The following CHRM3 variants were observed in gnomAD, a reference collection of about 807,000 sequenced individuals.
CHRM3 encodes muscarinic acetylcholine receptor M3.
A neutral mutation model predicts 41.8 loss-of-function variants in CHRM3; 11 were observed. The ratio of observed to expected loss-of-function variants is 0.26; its 90% CI spans 0.17 to 0.44. CHRM3 has a LOEUF of 0.44. CHRM3 is among the 20% of genes least tolerant of loss of function. The pLI is 1.00. For synonymous variants in CHRM3, 297 were observed against 301.4 expected, an observed-to-expected ratio of 0.99 and a Z score of 0.15; for missense variants, 571 against 745.4, an observed-to-expected ratio of 0.77 and a Z score of 2.72.
intron 5 of CHRM3, among the ~76,000 whole-genome samples, chr1:239,741,007 A>G (rs934300645): frequency 1.9e-4 from 29 of 152,160 alleles, no homozygotes; most frequent in African/African-American, 6.5e-4. Context: ...GTATTCATAT[A>G]CTAGTCTTCC....
Position 239,907,929 on chromosome 1 carries a change from C to A in CHRM3, c.478C>A (p.Leu160Met), listed in dbSNP as rs1346093157. Reference sequence around the variant, plus strand: ...CAGCAATGCCTCTGTTATGAATCTTCTGGTCATCAGCTTTGACAGATACTT... The same window carrying A: ...CAGCAATGCCTCTGTTATGAATCTTATGGTCATCAGCTTTGACAGATACTT... Reference protein sequence around the residue: ...VASNASVMNLLVISFDRYFSI... With the variant: ...VASNASVMNLMVISFDRYFSI... The change falls in exon 7 of 7, where the codon CTG becomes ATG. Residue 160 changes from leucine to methionine, a missense_variant. Around this residue, in one of 5 missense-constraint regions of CHRM3, gnomAD observed 153 missense variants for 296.3 expected, o/e 0.52. Coordinates refer to ENST00000676153, the MANE Select transcript of CHRM3 (RefSeq NM_001375978.1). This position sits in a 1 kb window ranked among gnomAD's most constrained non-coding sequence, Gnocchi z 5.4. 6.2e-7 allele frequency: 1 copy of A among 1,614,162 alleles called. No homozygotes were observed. The highest frequency in any genetic ancestry group is 8.5e-7 in the Non-Finnish European group (1 of 1,180,034).
At chr1:239,723,288 T>A (rs888607457) in intron 5 of CHRM3, among the ~76,000 whole-genome samples, 1 of 151,968 alleles carries the variant, frequency 6.6e-6, no homozygotes, top group African/African-American at 2.4e-5. Flanking sequence ...ATTCTAAGGA[T>A]AAAATAAGGA....
At chr1:239,683,596 C>T (rs6677527) in intron 5 of CHRM3, among the ~76,000 whole-genome samples, 4 of 152,100 alleles carry the variant, frequency 2.6e-5, no homozygotes, top group Non-Finnish European at 5.9e-5. Flanking sequence ...GATTCCTAAT[C>T]GAGGCCTCTT....
chr1:239,658,607 A>G (rs1402048539), intron 4 of CHRM3, among the ~76,000 whole-genome samples: 1 of 152,248 alleles, frequency 6.6e-6, no homozygotes, highest in East Asian at 1.9e-4. Context: ...GACCCAATCA[A>G]TAATAACTGA....
intron 4 of CHRM3, among the ~76,000 whole-genome samples, chr1:239,662,619 C>G (rs927302518): frequency 4.6e-5 from 7 of 152,206 alleles, no homozygotes; most frequent in African/African-American, 1.7e-4. Flanking sequence ...GTCCCCCAGC[C>G]TTACTCAGGA....
intron 3 of CHRM3, among the ~76,000 whole-genome samples, chr1:239,603,299 T>C (rs1665837218): frequency 6.6e-6 from 1 of 152,156 alleles, no homozygotes; most frequent in African/African-American, 2.4e-5. Context: ...CATAGACAAG[T>C]TAGCTTTTTG....
chr1:239,548,794 A>G (rs775038249), intron 3 of CHRM3, among the ~76,000 whole-genome samples: 8 of 152,220 alleles, frequency 5.3e-5, no homozygotes, highest in Non-Finnish European at 8.8e-5. Flanking sequence ...TAGCCCTTCA[A>G]TGCAGCCAAG....
At chr1:239,606,600 A>G (rs1666323015) in intron 3 of CHRM3, among the ~76,000 whole-genome samples, 1 of 152,108 alleles carries the variant, frequency 6.6e-6, no homozygotes, top group South Asian at 2.1e-4. Context: ...AATTACTAAT[A>G]TGGTAGGTTT....
chr1:239,803,483 G>A (rs1390377634), intron 5 of CHRM3, among the ~76,000 whole-genome samples: 1 of 152,126 alleles, frequency 6.6e-6, no homozygotes, highest in African/African-American at 2.4e-5. Context: ...TTAAATATGT[G>A]TATTTCCCAG....
intron 3 of CHRM3, among the ~76,000 whole-genome samples, chr1:239,621,526 G>A (rs1356931796): frequency 6.6e-6 from 1 of 152,164 alleles, no homozygotes; most frequent in Non-Finnish European, 1.5e-5. Context: ...GAAATGAAAA[G>A]TGCTACTCCA....
intron 3 of CHRM3, among the ~76,000 whole-genome samples, chr1:239,559,529 G>C (rs1572709189): frequency 6.6e-6 from 1 of 152,116 alleles, no homozygotes; most frequent in African/African-American, 2.4e-5. Flanking sequence ...ATTCGGAGGG[G>C]CTAATTTTTA....
chr1:239,475,782 A>C (rs900691409), intron 1 of CHRM3, among the ~76,000 whole-genome samples: 8 of 152,136 alleles, frequency 5.3e-5, no homozygotes, highest in Admixed American at 2.0e-4. Context: ...AATAATATTA[A>C]AATTATTTAT....
At chr1:239,536,832 G>A (rs576412245) in intron 2 of CHRM3, among the ~76,000 whole-genome samples, 21 of 152,242 alleles carry the variant, frequency 1.4e-4, no homozygotes, top group Admixed American at 7.2e-4. Context: ...CCTAGTGGAC[G>A]GCTTAGAAGA....
At chr1:239,611,711 A>G (rs147267673) in intron 3 of CHRM3, among the ~76,000 whole-genome samples, 5,990 of 152,004 alleles carry the variant, frequency 0.039, 154 homozygotes, top group Middle Eastern at 0.082. Context: ...GAGCCACCGC[A>G]CCCAGCCGCA....
intron 5 of CHRM3, chr1:239,704,879 TGGAAA>T (rs1661003525): frequency 6.6e-6 from 1 of 152,156 alleles, no homozygotes; most frequent in African/African-American, 2.4e-5. Context: ...TAGGCATGCA[TGGAAA>T]GGAAAGACAC....
intron 3 of CHRM3, among the ~76,000 whole-genome samples, chr1:239,590,683 A>C (rs937961083): frequency 8.5e-5 from 13 of 152,158 alleles, no homozygotes; most frequent in Non-Finnish European, 1.5e-4. Context: ...GAAGTTCCTT[A>C]GTTTCTCCAG....
At chr1:239,713,702 C>A (rs1662046484) in intron 5 of CHRM3, among the ~76,000 whole-genome samples, 1 of 152,168 alleles carries the variant, frequency 6.6e-6, no homozygotes, top group Non-Finnish European at 1.5e-5. Flanking sequence ...TCAGCCACAG[C>A]TGGGGTGACC....
At chr1:239,719,331 T>A (rs572786960) in intron 5 of CHRM3, among the ~76,000 whole-genome samples, 1 of 152,136 alleles carries the variant, frequency 6.6e-6, no homozygotes, top group East Asian at 1.9e-4. Flanking sequence ...TGTAGTTATT[T>A]AGCCCTTAAT....
At chr1:239,388,407 C>G (rs892359543) in intron 1 of CHRM3, among the ~76,000 whole-genome samples, 10 of 152,188 alleles carry the variant, frequency 6.6e-5, no homozygotes, top group African/African-American at 2.4e-4. Context: ...CCCCTCCCCC[C>G]ATTTTGACCT....
Sources: allele counts gnomAD v4.1 joint callset (sites outside exome capture counted in the v4.1 genomes callset), GRCh38; gene constraint gnomAD v4.1.1; regional missense constraint gnomAD v4.1.1; non-coding constraint Gnocchi (gnomAD v3.1); transcripts MANE v1.5; gene names NCBI Gene and HGNC (gene_info 2026-07-23, HGNC 2026-07-21).